The following PRIMA1 variants were observed in gnomAD, a reference collection of about 807,000 sequenced individuals.
PRIMA1 encodes proline-rich membrane anchor 1.
Under a neutral mutation model 17.5 loss-of-function variants are expected in PRIMA1, and 7 were observed. The observed-to-expected ratio is 0.40, with a 90% CI of 0.23 to 0.75. The LOEUF is 0.75. PRIMA1 is among the 30% of genes least tolerant of loss of function. The probability of loss-of-function intolerance (pLI) is 0.37; values close to 1 mark genes in which losing one functional copy is unlikely to be tolerated. For missense variants in PRIMA1, 200 were observed against 201.8 expected (o/e 0.99, Z 0.05); for synonymous variants, 97 against 77.9 (o/e 1.25, Z -1.29).
chr14:93,769,305 T>C (rs1410290684), intron 3 of PRIMA1, among the ~76,000 whole-genome samples: 1 of 152,188 alleles, frequency 6.6e-6, no homozygotes, highest in Non-Finnish European at 1.5e-5. Flanking sequence ...ACAACCCACT[T>C]TGGAGGACGG....
intron 3 of PRIMA1, among the ~76,000 whole-genome samples, chr14:93,763,055 C>A (rs1307890588): frequency 6.6e-6 from 1 of 152,192 alleles, no homozygotes; most frequent in Non-Finnish European, 1.5e-5. Context: ...GCACTTGCTG[C>A]CTCCAGCACA....
rs192623771 is a variant in PRIMA1, at chr14:93,757,551, G to A, written c.230-20181C>T. Among the ~76,000 whole-genome samples the A allele has an allele frequency of 3.8e-3, 575 of 152,348 alleles. 1 individual carries two copies. Among genetic ancestry groups the A allele is most frequent in the Non-Finnish European group, 5.9e-3 (399 of 68,040 alleles). The stretch of plus-strand genomic sequence containing the variant: ...TGACTGTGAAGGAGTCCAGGGTTCC[G>A]GCCTGGGGTGGGGGCTGGAGGGAGG... On this transcript the variant is annotated intron_variant, in intron 3 of 4. Coordinates refer to ENST00000393140, the MANE Select transcript of PRIMA1 (RefSeq NM_178013.4).
At position 93,719,088 on chromosome 14, in the gene PRIMA1, C is replaced by T. The variant is rs1249647196; in HGVS notation, c.*2356G>A. 6.6e-6 allele frequency: 1 copy of T among 152,046 alleles called. No homozygotes were observed. Among genetic ancestry groups the T allele is most frequent in the Non-Finnish European group, 1.5e-5 (1 of 68,006 alleles). The allele number at this position is 152,046 out of a possible 1,614,324, so 9.4% of individuals were successfully genotyped here. On this transcript the variant is annotated 3_prime_UTR_variant, in exon 5 of 5. Coordinates refer to ENST00000393140, the MANE Select transcript of PRIMA1 (RefSeq NM_178013.4). ...GGTGGGGGGTGGATATTAAGTGAAT[C>T]TTTTAAAAAAACTAGGCTCTTCCCT... is the stretch of plus-strand genomic sequence containing the variant.
intron 3 of PRIMA1, among the ~76,000 whole-genome samples, chr14:93,759,714 C>A (rs2076315251): frequency 6.6e-6 from 1 of 152,226 alleles, no homozygotes; most frequent in South Asian, 2.1e-4. Context: ...ATCTCCTCAG[C>A]CCAGCCATTC....
intron 3 of PRIMA1, among the ~76,000 whole-genome samples, chr14:93,745,986 C>T (rs566659799): frequency 1.3e-5 from 2 of 152,286 alleles, no homozygotes; most frequent in East Asian, 3.9e-4. Flanking sequence ...ACCCCTCCGC[C>T]GCTGCCCCCA....
At position 93,750,549 on chromosome 14, in the gene PRIMA1, C is replaced by T. The variant is rs563763019; in HGVS notation, c.230-13179G>A. On this transcript the variant is annotated intron_variant, in intron 3 of 4. Transcript: ENST00000393140. ...GATCTGAAGGCCAAATCTGGCCCAC[C>T]ACCTGTTTTATAAATAAAGTTTTAC... Among the ~76,000 whole-genome samples the T allele has an allele frequency of 2.3e-3, 355 of 152,314 alleles. 3 individuals carry two copies. The highest frequency in any genetic ancestry group is 3.7e-3 in the Non-Finnish European group (254 of 68,020).
At chr14:93,760,712 A>G (rs2076321245) in intron 3 of PRIMA1, among the ~76,000 whole-genome samples, 1 of 152,148 alleles carries the variant, frequency 6.6e-6, no homozygotes, top group Non-Finnish European at 1.5e-5. Flanking sequence ...GGTGCTCAGT[A>G]CACACTAGCT....
At position 93,721,375 on chromosome 14, in the gene PRIMA1, A is replaced by T. The variant is rs2076036571; in HGVS notation, c.*69T>A. 9.8e-7 allele frequency: 1 copy of T among 1,019,276 alleles called. No homozygotes were observed. Among genetic ancestry groups the T allele is most frequent in the South Asian group, 1.3e-5 (1 of 74,792 alleles). The allele number at this position is 1,019,276 out of a possible 1,614,324, so 63.1% of individuals were successfully genotyped here. On this transcript the variant is annotated 3_prime_UTR_variant, in exon 5 of 5. Transcript: ENST00000393140. ...ACAAGCTCAGGGTTAGCTCATGTCCACCTGCTTTCCCATGTCCACCAGTGC... is the reference window on the plus strand; with the variant it reads ...ACAAGCTCAGGGTTAGCTCATGTCCTCCTGCTTTCCCATGTCCACCAGTGC...
chr14:93,779,259 C>G lies in PRIMA1; in HGVS notation c.146G>C (p.Arg49Pro). 6.5e-7 allele frequency: 1 copy of G among 1,540,202 alleles called. No individual in the cohort carries two copies. Among genetic ancestry groups the G allele is most frequent in the Non-Finnish European group, 8.7e-7 (1 of 1,151,158 alleles). Residue 49 changes from arginine to proline, a missense_variant, in exon 3 of 5, where the codon CGA (arginine) becomes CCA (proline). Arg to Pro is a moderately radical substitution (Grantham distance 103). Transcript: ENST00000393140. ...AGGGGGCCGGCACTGGCAGACGTGT[C>G]GGCAGCTGTCAGTCACTTTGGAGCA... Reference protein sequence around the residue: ...KSCSKVTDSCRHVCQCRPPPP... With the variant: ...KSCSKVTDSCPHVCQCRPPPP...
chr14:93,721,591 C>G, intron 4 of PRIMA1, 45 bp from the exon 5 acceptor site: 1 of 1,164,240 alleles, frequency 8.6e-7, no homozygotes, highest in South Asian at 1.2e-5. Context: ...GAGGGGGAGG[C>G]AGGGACACCA....
At chr14:93,766,883 C>T (rs1158498977) in intron 3 of PRIMA1, among the ~76,000 whole-genome samples, 4 of 152,164 alleles carry the variant, frequency 2.6e-5, no homozygotes, top group African/African-American at 9.7e-5. Context: ...AAATAAGATA[C>T]AAACTGATTA....
At chr14:93,724,963 G>A (rs1174636285) in intron 4 of PRIMA1, among the ~76,000 whole-genome samples, 1 of 152,154 alleles carries the variant, frequency 6.6e-6, no homozygotes, top group Non-Finnish European at 1.5e-5. Context: ...CGGTCAGTAG[G>A]ATTTCTATTG....
intron 3 of PRIMA1, among the ~76,000 whole-genome samples, chr14:93,753,194 G>A (rs1304052501): frequency 2.6e-5 from 4 of 152,184 alleles, no homozygotes; most frequent in Non-Finnish European, 5.9e-5. Context: ...AATTGAAGGA[G>A]TTAAACTGGA....
At chr14:93,737,667 G>A (rs1170678039) in intron 3 of PRIMA1, among the ~76,000 whole-genome samples, 2 of 152,236 alleles carry the variant, frequency 1.3e-5, no homozygotes, top group African/African-American at 4.8e-5. Flanking sequence ...GGAGGCCACT[G>A]GCATCCATCA....
intron 3 of PRIMA1, among the ~76,000 whole-genome samples, chr14:93,748,583 GC>G (rs1456729255): frequency 2.0e-5 from 3 of 152,054 alleles, no homozygotes; most frequent in Non-Finnish European, 2.9e-5. Context: ...GAGCCTCTCT[GC>G]CCCCCTGGCT....
In PRIMA1 at chr14:93,720,272, C is replaced by T. The variant is rs2076028802; in HGVS notation, c.*1172G>A. On this transcript the variant is annotated 3_prime_UTR_variant, in exon 5 of 5. Coordinates refer to ENST00000393140, the MANE Select transcript of PRIMA1 (RefSeq NM_178013.4). ...CCACTTGGGAGACAGGCCAACAGGGCAGGGGTCACCAGCCTGGAGGACCCC... is the reference window on the plus strand; with the variant it reads ...CCACTTGGGAGACAGGCCAACAGGGTAGGGGTCACCAGCCTGGAGGACCCC... 6.6e-6 allele frequency: 1 copy of T among 152,262 alleles called. No individual in the cohort carries two copies. The highest frequency in any genetic ancestry group is 2.1e-4 in the South Asian group (1 of 4,832). 9.4% of individuals were successfully genotyped at this position (152,262 alleles called of 1,614,324 possible). A position where few individuals can be genotyped will look rare whatever the true frequency, so the allele number is the denominator to read the frequency against.
intron 4 of PRIMA1, among the ~76,000 whole-genome samples, chr14:93,735,471 T>C (rs949056175): frequency 4.6e-5 from 7 of 152,146 alleles, no homozygotes; most frequent in Non-Finnish European, 8.8e-5. Context: ...AAATGCTTTA[T>C]GGTCCAGATC....
intron 2 of PRIMA1, among the ~76,000 whole-genome samples, chr14:93,780,649 C>T (rs757586585): frequency 6.6e-6 from 1 of 152,148 alleles, no homozygotes; most frequent in Non-Finnish European, 1.5e-5. Flanking sequence ...CCGATTAAAT[C>T]AAAATTTTGC....
intron 3 of PRIMA1, among the ~76,000 whole-genome samples, chr14:93,758,237 C>T (rs115285967): frequency 0.021 from 3,121 of 152,188 alleles, 114 homozygotes; most frequent in African/African-American, 0.07. Flanking sequence ...TCTTTAAAGA[C>T]GCGGCCTAAA....
Sources: gnomAD v4.1 joint callset for allele counts (sites outside exome capture counted in the v4.1 genomes callset) on GRCh38, gnomAD v4.1.1 for gene constraint, MANE v1.5 for transcripts, NCBI Gene and HGNC (gene_info 2026-07-23, HGNC 2026-07-21) for gene names.